The following TASP1 variants were observed in gnomAD, a reference collection of about 807,000 sequenced individuals.
TASP1 encodes the protein taspase 1, also known as threonine aspartase 1.
Under a neutral mutation model 56.6 loss-of-function variants are expected in TASP1, and 16 were observed. The observed-to-expected ratio is 0.28, with a 90% CI of 0.19 to 0.43. The LOEUF (loss-of-function observed/expected upper bound fraction) is 0.43, where lower values mean the gene tolerates loss of function less well. TASP1 is among the 20% of genes least tolerant of loss of function. The pLI is 1.00. For missense variants in TASP1, 393 were observed against 511.6 expected (o/e 0.77, Z 2.24); for synonymous variants, 179 against 184.2 (o/e 0.97, Z 0.23).
chr20:13,164,063 T>C, the TASP1 span, among the ~76,000 whole-genome samples: 2 of 151,956 alleles, frequency 1.3e-5, no homozygotes, highest in Non-Finnish European at 2.9e-5. Context: ...ACTCCCCCCA[T>C]CCCACAACAG....
the TASP1 span, among the ~76,000 whole-genome samples, chr20:13,281,898 A>G: frequency 2.6e-5 from 4 of 152,194 alleles, no homozygotes; most frequent in African/African-American, 9.7e-5. Flanking sequence ...AAAAATGCCA[A>G]TTCTGGGCTG....
chr20:13,331,332 T>C, the TASP1 span, among the ~76,000 whole-genome samples: 3 of 152,232 alleles, frequency 2.0e-5, no homozygotes, highest in African/African-American at 4.8e-5. Context: ...CAACAAACTA[T>C]AGACGGTGTC....
chr20:13,256,395 CAAAAAAAAA>C, the TASP1 span, among the ~76,000 whole-genome samples: 3 of 71,802 alleles, frequency 4.2e-5, no homozygotes, highest in African/African-American at 1.5e-4. Context: ...GACCCCGTCT[CAAAAAAAAA>C]AAAAAAAAAA....
the TASP1 span, among the ~76,000 whole-genome samples, chr20:13,240,807 A>G: frequency 1.3e-5 from 2 of 152,240 alleles, no homozygotes; most frequent in Non-Finnish European, 2.9e-5. Context: ...GACAGAGCCA[A>G]CAGGATATGC....
At position 13,560,517 on chromosome 20, in the gene TASP1, C is replaced by A. The variant is rs144594126; in HGVS notation, c.569-1403G>T. Among the ~76,000 whole-genome samples, 282 of 152,236 alleles carry A rather than the reference C, an allele frequency of 1.9e-3. 1 individual carries two copies. The highest frequency in any genetic ancestry group is 6.4e-3 in the African/African-American group (265 of 41,542). The stretch of plus-strand genomic sequence containing the variant: ...AAGGGCTAATTCTCTTAGAGTAAAG[C>A]TAATCCATAACTGAGTCCATTACTC... On this transcript the variant is annotated intron_variant, in intron 7 of 13. Transcript: ENST00000337743.
chr20:13,265,659 T>G, the TASP1 span, among the ~76,000 whole-genome samples: 1 of 152,178 alleles, frequency 6.6e-6, no homozygotes, highest in Non-Finnish European at 1.5e-5. Context: ...AGGAAAAACC[T>G]CTTGCAATTG....
chr20:13,136,269 C>T, the TASP1 span, among the ~76,000 whole-genome samples: 2 of 152,012 alleles, frequency 1.3e-5, no homozygotes, highest in African/African-American at 4.8e-5. Flanking sequence ...TTGTGTTCTT[C>T]CTGGAAAACA....
the TASP1 span, among the ~76,000 whole-genome samples, chr20:13,145,413 TG>T: frequency 6.6e-6 from 1 of 152,070 alleles, no homozygotes; most frequent in Non-Finnish European, 1.5e-5. Context: ...TAAAATACCT[TG>T]GAATAGAGCT....
the TASP1 span, among the ~76,000 whole-genome samples, chr20:13,257,439 C>T: frequency 1.3e-5 from 2 of 152,140 alleles, no homozygotes; most frequent in Non-Finnish European, 2.9e-5. Context: ...ATCACTTGAA[C>T]CTGGGAGGTG....
At chr20:13,636,906 GA>G (rs927625840) in intron 1 of TASP1, among the ~76,000 whole-genome samples, 3 of 150,666 alleles carry the variant, frequency 2.0e-5, no homozygotes, top group South Asian at 2.1e-4. Context: ...ACAAGTCTTT[GA>G]AAAAAAAATT....
the TASP1 span, among the ~76,000 whole-genome samples, chr20:13,147,050 C>G: frequency 6.6e-6 from 1 of 152,160 alleles, no homozygotes; most frequent in Non-Finnish European, 1.5e-5. Flanking sequence ...ATCTGAGCAG[C>G]TGGTGGGAGG....
intron 13 of TASP1, chr20:13,392,960 TGG>T (rs2041348761): frequency 5.0e-6 from 3 of 603,152 alleles, no homozygotes; most frequent in Admixed American, 3.8e-5. Context: ...GAGTACATTA[TGG>T]AGCCCACCAG....
chr20:13,279,770 A>G, the TASP1 span: 3 of 1,614,030 alleles, frequency 1.9e-6, no homozygotes, highest in Non-Finnish European at 2.5e-6. Flanking sequence ...GCCAGGGCAA[A>G]CAGCGGGGAC....
chr20:13,479,961 AC>A (rs1373132231), intron 11 of TASP1, among the ~76,000 whole-genome samples: 3 of 152,194 alleles, frequency 2.0e-5, no homozygotes, highest in Admixed American at 2.0e-4. Flanking sequence ...AACTAATTAC[AC>A]CACCAGTGTG....
chr20:13,569,620 G>A (rs201995182), intron 6 of TASP1, 34 bp from the exon 7 acceptor site: 7 of 1,559,050 alleles, frequency 4.5e-6, no homozygotes, highest in Non-Finnish European at 6.2e-6. Flanking sequence ...AAAATTCACA[G>A]TGTCATCTTC....
intron 8 of TASP1, among the ~76,000 whole-genome samples, chr20:13,544,027 C>T (rs1387090820): frequency 1.3e-5 from 2 of 152,146 alleles, no homozygotes; most frequent in Admixed American, 1.3e-4. Context: ...CCATAATAAC[C>T]AAACCAAAAT....
At chr20:13,324,444 T>A in the TASP1 span, among the ~76,000 whole-genome samples, 4 of 152,168 alleles carry the variant, frequency 2.6e-5, no homozygotes, top group African/African-American at 7.2e-5. Flanking sequence ...GAAAAGAGGA[T>A]CTTGTCCACA....
At chr20:13,361,659 CA>C in the TASP1 span, among the ~76,000 whole-genome samples, 37 of 143,814 alleles carry the variant, frequency 2.6e-4, no homozygotes, top group African/African-American at 9.7e-4. Context: ...CTGTGCCCCC[CA>C]AAAAAACTTG....
chr20:13,144,326 C>T, the TASP1 span, among the ~76,000 whole-genome samples: 1 of 152,212 alleles, frequency 6.6e-6, no homozygotes, highest in African/African-American at 2.4e-5. Context: ...ATATTTTAAT[C>T]TTCCACTGAA....
Sources: allele counts gnomAD v4.1 joint callset (sites outside exome capture counted in the v4.1 genomes callset), GRCh38; gene constraint gnomAD v4.1.1; transcripts MANE v1.5; gene names NCBI Gene and HGNC (gene_info 2026-07-23, HGNC 2026-07-21).